ANKS1B: variants seen among roughly 807,000 people sequenced by gnomAD.
The protein encoded by ANKS1B is ankyrin repeat and sterile alpha motif domain containing 1B.
ANKS1B carries 36 observed loss-of-function variants against 148.3 expected under a neutral mutation model. The observed-to-expected ratio is 0.24, with a 90% CI of 0.19 to 0.32. The LOEUF (loss-of-function observed/expected upper bound fraction) is 0.32. ANKS1B is among the 10% of genes least tolerant of loss of function. ANKS1B has a pLI of 1.00. For synonymous variants in ANKS1B, 542 were observed against 560.8 expected (o/e 0.97, Z 0.47); for missense variants, 1,157 against 1,542.6 (o/e 0.75, Z 4.19).
At chr12:99,656,668 G>A (rs990373128) in intron 8 of ANKS1B, among the ~76,000 whole-genome samples, 2 of 151,728 alleles carry the variant, frequency 1.3e-5, no homozygotes, top group African/African-American at 2.4e-5. Flanking sequence ...AGATGGGAGG[G>A]TCAAAGAAAT....
chr12:99,299,786 C>CT (rs2081367529), intron 12 of ANKS1B, among the ~76,000 whole-genome samples: 2 of 152,114 alleles, frequency 1.3e-5, no homozygotes, highest in Admixed American at 1.3e-4. Context: ...TTAAAAATCC[C>CT]TTTTTTTCCA....
intron 3 of ANKS1B, among the ~76,000 whole-genome samples, chr12:99,808,423 A>G (rs1385099734): frequency 1.3e-5 from 2 of 152,146 alleles, no homozygotes; most frequent in Admixed American, 1.3e-4. Flanking sequence ...GAGCATTTGA[A>G]GGTCAAACCC....
intron 12 of ANKS1B, among the ~76,000 whole-genome samples, chr12:99,329,643 G>A (rs1275890493): frequency 6.6e-6 from 1 of 151,688 alleles, no homozygotes; most frequent in Non-Finnish European, 1.5e-5. Context: ...TACTGAAAAA[G>A]ACAAACTTAG....
chr12:99,322,057 C>T (rs937399397), intron 12 of ANKS1B, among the ~76,000 whole-genome samples: 6 of 152,076 alleles, frequency 3.9e-5, no homozygotes, highest in Admixed American at 6.5e-5. Context: ...CAAATGCACA[C>T]GTATGTTTAT....
intron 10 of ANKS1B, among the ~76,000 whole-genome samples, chr12:99,502,714 G>A (rs570522882): frequency 6.6e-6 from 1 of 152,088 alleles, no homozygotes; most frequent in Non-Finnish European, 1.5e-5. Flanking sequence ...AGCATTGTAA[G>A]AATCATATGG....
intron 17 of ANKS1B, among the ~76,000 whole-genome samples, chr12:98,922,747 C>A (rs1194074488): frequency 3.3e-5 from 5 of 152,184 alleles, no homozygotes; most frequent in Non-Finnish European, 2.9e-5. Context: ...GATCCACCCA[C>A]CTCAGCCTCC....
At chr12:99,406,680 T>C (rs1470185702) in intron 11 of ANKS1B, among the ~76,000 whole-genome samples, 1 of 145,164 alleles carries the variant, frequency 6.9e-6, no homozygotes, top group East Asian at 1.9e-4. Flanking sequence ...AGAGCAGAAA[T>C]AGATAAAATT....
chr12:99,357,852 A>G (rs2092150155), intron 12 of ANKS1B, among the ~76,000 whole-genome samples: 1 of 152,144 alleles, frequency 6.6e-6, no homozygotes, highest in Non-Finnish European at 1.5e-5. Flanking sequence ...AATACATGAT[A>G]AGAATGCCCT....
chr12:99,196,513 T>C (rs945236967), intron 14 of ANKS1B, among the ~76,000 whole-genome samples: 5 of 152,156 alleles, frequency 3.3e-5, no homozygotes, highest in Non-Finnish European at 7.4e-5. Flanking sequence ...CTGACCACAT[T>C]ACTCCATTGC....
At chr12:99,634,331 C>T (rs1738434896) in intron 9 of ANKS1B, among the ~76,000 whole-genome samples, 1 of 152,130 alleles carries the variant, frequency 6.6e-6, no homozygotes, top group South Asian at 2.1e-4. Context: ...AGCCCCCTCA[C>T]CATGTGAGGC....
chr12:99,632,079 T>C (rs1484713208), intron 9 of ANKS1B, among the ~76,000 whole-genome samples: 1 of 152,146 alleles, frequency 6.6e-6, no homozygotes. Flanking sequence ...GGGGTGCTCA[T>C]TGCCCAGGTC....
intron 11 of ANKS1B, among the ~76,000 whole-genome samples, chr12:99,413,587 T>C (rs2152683597): frequency 1.3e-5 from 2 of 152,324 alleles, no homozygotes; most frequent in South Asian, 4.1e-4. Flanking sequence ...AATTCTGCTA[T>C]GCATTAAACT....
chr12:99,055,927 A>C (rs2040039127), intron 16 of ANKS1B, among the ~76,000 whole-genome samples: 1 of 152,204 alleles, frequency 6.6e-6, no homozygotes, highest in Non-Finnish European at 1.5e-5. Context: ...TCAGGATTGC[A>C]CGGAATGCAG....
Position 99,984,249 on chromosome 12 carries a change from G to A in ANKS1B, c.-12C>T, listed in dbSNP as rs748684635. ...TGGTCCTTCCCCATAGTCTCTCACCGACTCCCCCACAGAGTCCTTGCCCCC... is the reference window on the plus strand; with the variant it reads ...TGGTCCTTCCCCATAGTCTCTCACCAACTCCCCCACAGAGTCCTTGCCCCC... On this transcript the variant is annotated 5_prime_UTR_variant, in exon 1 of 27. Coordinates refer to ENST00000683438, the MANE Select transcript of ANKS1B (RefSeq NM_001352186.2). 11 of 1,610,318 alleles carry A rather than the reference G, an allele frequency of 6.8e-6. No homozygotes were observed. The South Asian group carries it at 1.2e-4, about 18-fold the overall frequency.
At chr12:99,943,975 C>T (rs1190978756) in intron 1 of ANKS1B, among the ~76,000 whole-genome samples, 3 of 151,942 alleles carry the variant, frequency 2.0e-5, no homozygotes, top group South Asian at 2.1e-4. Context: ...CGCGACAGGC[C>T]CCAGTGTGTG....
chr12:99,128,672 A>G (rs2065142599), intron 15 of ANKS1B, among the ~76,000 whole-genome samples: 1 of 152,188 alleles, frequency 6.6e-6, no homozygotes, highest in African/African-American at 2.4e-5. Flanking sequence ...CCTGGTTCAC[A>G]GATACTCAGG....
intron 14 of ANKS1B, among the ~76,000 whole-genome samples, chr12:99,193,268 C>G (rs1035433468): frequency 2.0e-5 from 3 of 152,180 alleles, no homozygotes; most frequent in Admixed American, 2.0e-4. Context: ...ACTTTCTCCT[C>G]CCTTTTTCTT....
chr12:99,611,895 T>C (rs980122382), intron 9 of ANKS1B, among the ~76,000 whole-genome samples: 3 of 152,126 alleles, frequency 2.0e-5, no homozygotes, highest in African/African-American at 7.2e-5. Flanking sequence ...AAATTCATTT[T>C]ATAACTCCTC....
intron 1 of ANKS1B, among the ~76,000 whole-genome samples, chr12:99,853,921 G>T (rs1482649525): frequency 6.6e-6 from 1 of 152,114 alleles, no homozygotes; most frequent in East Asian, 1.9e-4. Context: ...TTAGAGAAAT[G>T]CAAAATGCAC....
Sources: gnomAD v4.1 joint callset for allele counts (sites outside exome capture counted in the v4.1 genomes callset) on GRCh38, gnomAD v4.1.1 for gene constraint, MANE v1.5 for transcripts, NCBI Gene and HGNC (gene_info 2026-07-23, HGNC 2026-07-21) for gene names.